Variants in ANKH observed in about 807,000 individuals in gnomAD.
ANKH encodes the protein mineralization regulator ANKH.
ANKH carries 15 observed loss-of-function variants against 49.0 expected under a neutral mutation model. That is an observed-to-expected ratio of 0.31 (90% confidence interval 0.20 to 0.47). ANKH has a LOEUF of 0.47. Ranked by LOEUF, ANKH falls within the 20% of genes least tolerant of loss-of-function variation. The pLI is 1.00. For missense variants in ANKH, 429 were observed against 652.0 expected (o/e 0.66, Z 3.72); for synonymous variants, 273 against 260.0 (o/e 1.05, Z -0.48).
chr5:14,758,340 T>C lies in ANKH; in HGVS notation c.432+140A>G, dbSNP rs1479339857. 5 of 721,280 alleles carry C rather than the reference T, an allele frequency of 6.9e-6. No individual in the cohort carries two copies. The East Asian group carries it at 1.4e-4, about 19-fold the overall frequency. The allele number at this position is 721,280 out of a possible 1,614,324, so 44.7% of individuals were successfully genotyped here. A position where few individuals can be genotyped will look rare whatever the true frequency, so the allele number is the denominator to read the frequency against. On this transcript the variant is annotated intron_variant, in intron 3 of 11. Coordinates refer to ENST00000284268, the MANE Select transcript of ANKH (RefSeq NM_054027.6). ...TTTGCAAGATGAAGAGTTCTGAAGATTGGTTACACAATAATGTGAATGTAC... is the reference window on the plus strand; with the variant it reads ...TTTGCAAGATGAAGAGTTCTGAAGACTGGTTACACAATAATGTGAATGTAC...
In ANKH at chr5:14,736,271, T is replaced by C. The variant is rs554430642; in HGVS notation, c.1011+5556A>G. Among the ~76,000 whole-genome samples, 28 of 152,250 alleles carry C rather than the reference T, an allele frequency of 1.8e-4. No individual in the cohort carries two copies. In the East Asian group the frequency reaches 5.4e-3, roughly 29 times the overall value. ...ACCAGTGGATGTAGTCTGGGGGCCC[T>C]GGCACAGTCCCATGACCTCTGCGTC... On this transcript the variant is annotated intron_variant, in intron 8 of 11. Coordinates refer to ENST00000284268, the MANE Select transcript of ANKH (RefSeq NM_054027.6).
intron 8 of ANKH, among the ~76,000 whole-genome samples, chr5:14,722,730 TA>T (rs2126429477): frequency 6.6e-6 from 1 of 152,318 alleles, no homozygotes; most frequent in African/African-American, 2.4e-5. Context: ...CACAGAACTC[TA>T]AATAATTCAT....
chr5:14,786,219 T>C (rs1414867086), intron 1 of ANKH, among the ~76,000 whole-genome samples: 2 of 152,006 alleles, frequency 1.3e-5, no homozygotes, highest in Non-Finnish European at 2.9e-5. Flanking sequence ...TTCCTGGAAA[T>C]AAATTAAAGA....
intron 1 of ANKH, among the ~76,000 whole-genome samples, chr5:14,793,601 G>T (rs1000813626): frequency 6.6e-6 from 1 of 152,210 alleles, no homozygotes; most frequent in Non-Finnish European, 1.5e-5. Context: ...AGGACAAGCA[G>T]CCAGGCCGGG....
chr5:14,800,728 T>TTTTTC lies in ANKH; in HGVS notation c.97-31538_97-31537insGAAAA, dbSNP rs1491104460. 3.1e-3 allele frequency among the ~76,000 whole-genome samples: 408 copies of TTTTTC among 131,810 alleles called. 2 individuals carry two copies. The highest frequency in any genetic ancestry group is 0.012 in the African/African-American group (389 of 32,534). The allele number at this position is 131,810 out of a possible 152,430, so 86.5% of individuals were successfully genotyped here. ...TAGAGCAAATATAACATTTTTTTTCTTTTTTTTTTTTTTTTTGAGACAGGG... is the reference window on the plus strand; with the variant it reads ...TAGAGCAAATATAACATTTTTTTTCTTTTTCTTTTTTTTTTTTTTTTGAGACAGGG... On this transcript the variant is annotated intron_variant, in intron 1 of 11. Transcript: ENST00000284268.
chr5:14,835,521 G>A (rs1173476403), intron 1 of ANKH, among the ~76,000 whole-genome samples: 2 of 152,180 alleles, frequency 1.3e-5, no homozygotes, highest in African/African-American at 2.4e-5. Context: ...CTAAGAGACT[G>A]AGGGTCCTGT....
intron 1 of ANKH, chr5:14,798,197 C>T: frequency 1.3e-6 from 2 of 1,587,532 alleles, no homozygotes; most frequent in Non-Finnish European, 1.7e-6. Context: ...TGTGTGTCCC[C>T]AGGACAAGTC....
In ANKH at chr5:14,751,072, C is replaced by T. The variant is rs200119947; in HGVS notation, c.684G>A (p.Leu228=). 39 of 1,614,230 alleles carry T rather than the reference C, an allele frequency of 2.4e-5. No homozygotes were observed. In the East Asian group the frequency reaches 7.6e-4, roughly 31 times the overall value. ...DIIPDRSGPE[L]GGDATIRKML... ...GCTGTTGGGTTGGTAGACGTACCCC[C>T]AGCTCCGGGCCACTTCTGTCAGGGA... The change falls in exon 5 of 12, where the codon CTG becomes CTA. Residue 228 remains leucine, a synonymous_variant. Transcript: ENST00000284268.
chr5:14,870,555 C>G (rs144752704), intron 1 of ANKH: 1 of 152,538 alleles, frequency 6.6e-6, no homozygotes, highest in African/African-American at 2.4e-5. Context: ...AAATCCTCTC[C>G]CCGGCCTTAG....
At chr5:14,798,238 T>C in intron 1 of ANKH, 1 of 1,603,392 alleles carries the variant, frequency 6.2e-7, no homozygotes, top group Non-Finnish European at 8.5e-7. Flanking sequence ...CCTTCTGGTC[T>C]GGTTACATCT....
intron 4 of ANKH, among the ~76,000 whole-genome samples, chr5:14,754,956 A>C (rs1738834675): frequency 6.6e-6 from 1 of 151,664 alleles, no homozygotes; most frequent in Admixed American, 6.6e-5. Flanking sequence ...GATGCCTATA[A>C]TCCCAGCTAC....
At chr5:14,833,112 C>T (rs913119733) in intron 1 of ANKH, among the ~76,000 whole-genome samples, 10 of 152,190 alleles carry the variant, frequency 6.6e-5, no homozygotes, top group African/African-American at 2.2e-4. Context: ...CAAACAGAAC[C>T]ACTCTAGGCA....
chr5:14,714,239 G>A (rs949023850), intron 9 of ANKH, among the ~76,000 whole-genome samples: 3 of 152,144 alleles, frequency 2.0e-5, no homozygotes, highest in African/African-American at 4.8e-5. Context: ...GTGGGCCCTC[G>A]TTGGTGTGCT....
At chr5:14,741,489 CAG>C (rs1385207074) in intron 8 of ANKH, 4 of 268,966 alleles carry the variant, frequency 1.5e-5, no homozygotes, top group Non-Finnish European at 2.9e-5. Context: ...GGAAAAGAGA[CAG>C]GGGTGGTTGT....
At chr5:14,714,974 C>T (rs751209433) in intron 9 of ANKH, among the ~76,000 whole-genome samples, 18 of 152,354 alleles carry the variant, frequency 1.2e-4, no homozygotes, top group African/African-American at 2.6e-4. Flanking sequence ...GAGCTTGGTT[C>T]GCCCTGTGTC....
At chr5:14,739,243 C>T (rs1738279103) in intron 8 of ANKH, among the ~76,000 whole-genome samples, 1 of 152,054 alleles carries the variant, frequency 6.6e-6, no homozygotes, top group East Asian at 1.9e-4. Flanking sequence ...ATAGTGAAAC[C>T]CCATCTCTAC....
chr5:14,845,348 GTATA>G (rs752770046), intron 1 of ANKH, among the ~76,000 whole-genome samples: 2 of 92,274 alleles, frequency 2.2e-5, no homozygotes, highest in African/African-American at 8.4e-5. Flanking sequence ...AGTTTCATGT[GTATA>G]TATATATATA....
chr5:14,869,724 C>T (rs528717325), intron 1 of ANKH: 2 of 152,254 alleles, frequency 1.3e-5, no homozygotes, highest in East Asian at 1.9e-4. Context: ...AAAAGGGAGG[C>T]AATATTGTGG....
chr5:14,735,356 A>G (rs549642177), intron 8 of ANKH, among the ~76,000 whole-genome samples: 1 of 152,368 alleles, frequency 6.6e-6, no homozygotes, highest in South Asian at 2.1e-4. Context: ...GAAATAAAAT[A>G]ATAGAGATGT....
Sources: allele counts gnomAD v4.1 joint callset (sites outside exome capture counted in the v4.1 genomes callset), GRCh38; gene constraint gnomAD v4.1.1; transcripts MANE v1.5; gene names NCBI Gene and HGNC (gene_info 2026-07-23, HGNC 2026-07-21).